Variants in KCNAB1 observed in about 807,000 individuals in gnomAD.
KCNAB1 encodes the protein voltage-gated potassium channel subunit beta-1.
KCNAB1 carries 35 observed loss-of-function variants against 64.6 expected under a neutral mutation model. The observed-to-expected ratio is 0.54, with a 90% CI of 0.41 to 0.72. KCNAB1 has a LOEUF of 0.72. Ranked by LOEUF, KCNAB1 falls within the 30% of genes least tolerant of loss-of-function variation. KCNAB1 has a pLI of 0.00. For missense variants in KCNAB1, 401 were observed against 512.9 expected (o/e 0.78, Z 2.11); for synonymous variants, 177 against 183.8 (o/e 0.96, Z 0.30).
chr3:156,255,759 C>G (rs539268836), intron 1 of KCNAB1, among the ~76,000 whole-genome samples: 1 of 152,314 alleles, frequency 6.6e-6, no homozygotes, highest in African/African-American at 2.4e-5. Context: ...GCAGCCTTCT[C>G]TGGTTTCCTC....
chr3:156,332,251 A>G (rs1444282777), intron 1 of KCNAB1, among the ~76,000 whole-genome samples: 1 of 152,200 alleles, frequency 6.6e-6, no homozygotes, highest in Non-Finnish European at 1.5e-5. Flanking sequence ...ATGAAAGTTT[A>G]CACATGAATT....
At chr3:156,325,506 C>T (rs6441059) in intron 1 of KCNAB1, among the ~76,000 whole-genome samples, 2,141 of 151,904 alleles carry the variant, frequency 0.014, 21 homozygotes, top group South Asian at 0.031. Flanking sequence ...ATTAAGTAAA[C>T]AAAATAACTT....
upstream of KCNAB1, among the ~76,000 whole-genome samples, chr3:156,118,490 G>A (rs560770881): frequency 6.6e-5 from 10 of 152,210 alleles, no homozygotes; most frequent in South Asian, 2.1e-3. Flanking sequence ...AAGGGGCTGA[G>A]AAACAGGCCC....
At chr3:156,225,629 C>G (rs1191237014) in intron 1 of KCNAB1, among the ~76,000 whole-genome samples, 1 of 152,154 alleles carries the variant, frequency 6.6e-6, no homozygotes, top group African/African-American at 2.4e-5. Context: ...GGAGGTCAAA[C>G]TGTCACTGTT....
intron 1 of KCNAB1, among the ~76,000 whole-genome samples, chr3:156,383,903 G>A (rs1163627079): frequency 4.6e-5 from 7 of 152,134 alleles, no homozygotes; most frequent in African/African-American, 1.7e-4. Flanking sequence ...GTTTCCAGAC[G>A]CTGGCAGGGA....
intron 1 of KCNAB1, chr3:156,143,424 C>G (rs1160888505): frequency 6.5e-7 from 1 of 1,548,112 alleles, no homozygotes; most frequent in Admixed American, 2.0e-5. Context: ...CATACAGGTA[C>G]TGCTGATTGC....
intron 1 of KCNAB1, among the ~76,000 whole-genome samples, chr3:156,331,152 A>C (rs1723302980): frequency 6.6e-6 from 1 of 152,186 alleles, no homozygotes; most frequent in Non-Finnish European, 1.5e-5. Flanking sequence ...CCTTGAAGTG[A>C]CTGACTGGCT....
chr3:156,436,185 C>T (rs1716573084), intron 2 of KCNAB1, among the ~76,000 whole-genome samples: 2 of 152,110 alleles, frequency 1.3e-5, no homozygotes, highest in Admixed American at 6.5e-5. Context: ...TTTTCTGTTC[C>T]TGCATTAGTT....
intron 1 of KCNAB1, among the ~76,000 whole-genome samples, chr3:156,184,837 T>C (rs1234574735): frequency 2.0e-5 from 3 of 152,180 alleles, no homozygotes; most frequent in African/African-American, 7.2e-5. Flanking sequence ...TCTTGTCCCA[T>C]ACTGGTTGGG....
chr3:156,220,225 A>T (rs1246439682), intron 1 of KCNAB1, among the ~76,000 whole-genome samples: 8 of 152,200 alleles, frequency 5.3e-5, no homozygotes, highest in Non-Finnish European at 1.0e-4. Flanking sequence ...TCATTTGGGT[A>T]TATGCACAGT....
At chr3:156,303,532 G>C (rs1721292683) in intron 1 of KCNAB1, among the ~76,000 whole-genome samples, 1 of 152,136 alleles carries the variant, frequency 6.6e-6, no homozygotes, top group Admixed American at 6.6e-5. Context: ...TGTGAACTCT[G>C]CTACCACCCT....
chr3:156,527,815 C>G (rs1283326519), intron 12 of KCNAB1, among the ~76,000 whole-genome samples: 2 of 152,222 alleles, frequency 1.3e-5, no homozygotes, highest in African/African-American at 4.8e-5. Flanking sequence ...GAGGGATCCT[C>G]CGGCAGAAAG....
chr3:156,214,958 C>T (rs1326552931), intron 1 of KCNAB1, among the ~76,000 whole-genome samples: 1 of 152,174 alleles, frequency 6.6e-6, no homozygotes, highest in African/African-American at 2.4e-5. Flanking sequence ...ATGTCTATTC[C>T]TTATCCACCT....
rs532037253 is a variant in KCNAB1, at chr3:156,175,455, C to T, written c.275+54569C>T. ...CTAACACAGTGAAACCCTGTCTCTA[C>T]TGAAAATACAAAAAATTAGCCGAGT... On this transcript the variant is annotated intron_variant, in intron 1 of 13. Coordinates refer to ENST00000490337, the MANE Select transcript of KCNAB1 (RefSeq NM_172160.3). Among the ~76,000 whole-genome samples the T allele has an allele frequency of 2.0e-5, 3 of 152,246 alleles. No individual in the cohort carries two copies. The East Asian group carries it at 5.8e-4, about 29-fold the overall frequency.
At chr3:156,504,742 G>GTT (rs796618812) in intron 8 of KCNAB1, among the ~76,000 whole-genome samples, 7,048 of 81,110 alleles carry the variant, frequency 0.087, 463 homozygotes, top group African/African-American at 0.2. Flanking sequence ...TTTTGTTTTT[G>GTT]TTTTTTTTGT....
chr3:156,349,796 C>T (rs1417806544), intron 1 of KCNAB1, among the ~76,000 whole-genome samples: 1 of 152,186 alleles, frequency 6.6e-6, no homozygotes, highest in African/African-American at 2.4e-5. Flanking sequence ...AACTCCTGGG[C>T]TCCAGCAATC....
intron 1 of KCNAB1, among the ~76,000 whole-genome samples, chr3:156,335,417 C>T (rs1723624003): frequency 6.6e-6 from 1 of 152,200 alleles, no homozygotes; most frequent in South Asian, 2.1e-4. Flanking sequence ...CCAGCTGACA[C>T]CTCCATTACT....
At chr3:156,503,544 G>C (rs1470693085) in intron 8 of KCNAB1, among the ~76,000 whole-genome samples, 2 of 152,194 alleles carry the variant, frequency 1.3e-5, no homozygotes. Context: ...AGGACAGCCT[G>C]TGTCTGTCTG....
intron 1 of KCNAB1, among the ~76,000 whole-genome samples, chr3:156,419,909 CTT>C (rs912422563): frequency 4.9e-4 from 75 of 152,330 alleles, no homozygotes; most frequent in African/African-American, 1.8e-3. Context: ...AATCAGTAGA[CTT>C]TTGGACTACC....
Sources: allele counts gnomAD v4.1 joint callset (sites outside exome capture counted in the v4.1 genomes callset), GRCh38; gene constraint gnomAD v4.1.1; transcripts MANE v1.5; gene names NCBI Gene and HGNC (gene_info 2026-07-23, HGNC 2026-07-21).